RBBP6: variants seen among roughly 807,000 people sequenced by gnomAD.
RBBP6 encodes RB binding protein 6, ubiquitin ligase.
RBBP6 carries 25 observed loss-of-function variants against 167.7 expected under a neutral mutation model. That is an observed-to-expected ratio of 0.15 (90% CI 0.11 to 0.21). The LOEUF (loss-of-function observed/expected upper bound fraction) is 0.21. RBBP6 is among the 10% of genes least tolerant of loss of function. The probability of loss-of-function intolerance (pLI) is 1.00; values close to 1 mark genes in which losing one functional copy is unlikely to be tolerated. For synonymous variants in RBBP6, 789 were observed against 735.8 expected, an observed-to-expected ratio of 1.07 and a Z score of -1.17; for missense variants, 1,868 against 2,134.2, an observed-to-expected ratio of 0.88 and a Z score of 2.46.
At position 24,571,931 on chromosome 16, in the gene RBBP6, C is replaced by G. The variant is rs149034116; in HGVS notation, c.4865C>G (p.Ser1622Cys). ...CCTAAACCCCAGTTAAGTCATTCCT[C>G]TAGACTTTCCTCTGACTTAACTAGA... The part of the protein sequence containing the change: ...VKPKPQLSHS[S>C]RLSSDLTRET... Residue 1622 changes from serine to cysteine, a missense_variant, in exon 18 of 18, where the codon TCT (serine) becomes TGT (cysteine). This residue lies in a region of RBBP6 where 591 missense variants were observed against 540.5 expected (regional missense o/e 1.09). Coordinates refer to ENST00000319715, the MANE Select transcript of RBBP6 (RefSeq NM_006910.5). 1 of 1,614,000 alleles carries G rather than the reference C, an allele frequency of 6.2e-7. No homozygotes were observed. The highest frequency in any genetic ancestry group is 1.1e-5 in the South Asian group (1 of 91,050).
Position 24,571,455 on chromosome 16 carries a change from A to G in RBBP6, c.4389A>G (p.Ser1463=), listed in dbSNP as rs1182687519. ...SDKHDSTRAS[S]NKDFTPNRDK... ...AACATGATTCCACTCGTGCTTCCTC[A>G]AATAAAGACTTCACTCCCAATAGAG... Residue 1463 remains serine (S), a synonymous_variant, in exon 18 of 18, where the codon TCA becomes TCG. Coordinates refer to ENST00000319715, the MANE Select transcript of RBBP6 (RefSeq NM_006910.5). The G allele has an allele frequency of 6.2e-7, 1 of 1,612,800 alleles. No homozygotes were observed. The highest frequency in any genetic ancestry group is 8.5e-7 in the Non-Finnish European group (1 of 1,179,764).
chr16:24,546,273 A>C lies in RBBP6; in HGVS notation c.266+11A>C. On this transcript the variant is annotated intron_variant, in intron 2 of 17. Transcript: ENST00000319715. ...CAAGACATATGTTATGTAAGTATCAAATCTCATGTATTTCTCAAAATAGAC... is the reference window on the plus strand; with the variant it reads ...CAAGACATATGTTATGTAAGTATCACATCTCATGTATTTCTCAAAATAGAC... 6.5e-7 allele frequency: 1 copy of C among 1,543,846 alleles called. No homozygotes were observed. Among genetic ancestry groups the C allele is most frequent in the Non-Finnish European group, 8.7e-7 (1 of 1,155,620 alleles).
Position 24,569,605 on chromosome 16 carries a change from A to G in RBBP6, c.2915A>G (p.Asp972Gly), listed in dbSNP as rs1335319963. The part of the protein sequence containing the change: ...EPTGVEENKT[D>G]SLFVLPSRDD... ...ACAGGTGTTGAAGAAAATAAAACAGACTCATTGTTTGTTCTCCCAAGTAGA... is the reference window on the plus strand; with the variant it reads ...ACAGGTGTTGAAGAAAATAAAACAGGCTCATTGTTTGTTCTCCCAAGTAGA... The change falls in exon 17 of 18, where the codon GAC (aspartate) becomes GGC (glycine). Residue 972 changes from aspartate to glycine, a missense_variant. Around this residue, in one of 7 missense-constraint regions of RBBP6, gnomAD observed 673 missense variants for 691.5 expected, o/e 0.97. Coordinates refer to ENST00000319715, the MANE Select transcript of RBBP6 (RefSeq NM_006910.5). 4 of 1,612,048 alleles carry G rather than the reference A, an allele frequency of 2.5e-6. No individual in the cohort carries two copies. The highest frequency in any genetic ancestry group is 1.1e-5 in the South Asian group (1 of 90,604).
intron 15 of RBBP6, 84 bp downstream of exon 15, chr16:24,567,589 G>C: frequency 6.9e-7 from 1 of 1,440,448 alleles, no homozygotes; most frequent in Non-Finnish European, 9.3e-7. Flanking sequence ...ACGTTTTCCA[G>C]TGTTTCCAGT....
chr16:24,557,572 A>G (rs1397791367), intron 7 of RBBP6, among the ~76,000 whole-genome samples: 1 of 143,436 alleles, frequency 7.0e-6, no homozygotes, highest in Non-Finnish European at 1.5e-5. Flanking sequence ...GACCTTGGGC[A>G]AAAAAAAAAA....
intron 1 of RBBP6, among the ~76,000 whole-genome samples, chr16:24,542,350 A>G (rs530771131): frequency 2.0e-5 from 3 of 152,312 alleles, no homozygotes; most frequent in South Asian, 4.1e-4. Context: ...TATTAAGGCA[A>G]TTTTAATCGT....
intron 3 of RBBP6, 65 bp downstream of exon 3, chr16:24,549,046 A>G (rs1241124464): frequency 6.3e-7 from 1 of 1,579,612 alleles, no homozygotes; most frequent in Non-Finnish European, 8.6e-7. Context: ...TGTAGCAGTG[A>G]AGTAAATCAT....
chr16:24,561,489 T>G, intron 8 of RBBP6, 123 bp from the exon 9 acceptor site: 1 of 783,590 alleles, frequency 1.3e-6, no homozygotes, highest in African/African-American at 1.8e-5. Context: ...AAGAAATGAT[T>G]AGCACGACAT....
At position 24,572,394 on chromosome 16, in the gene RBBP6, A is replaced by AGAGAAG. The variant is rs1489244014; in HGVS notation, c.5340_5345dup (p.Glu1781_Lys1782dup). ...AGAAGTCAAAGAAGAACAAAGATAA[A>AGAGAAG]GAGAAGGAGAAGGAGAAAGATGACC... On this transcript the variant is annotated inframe_insertion, in exon 18 of 18. Transcript: ENST00000319715. 15 of 1,327,344 alleles carry AGAGAAG rather than the reference A, an allele frequency of 1.1e-5. No individual in the cohort carries two copies. Among genetic ancestry groups the AGAGAAG allele is most frequent in the Non-Finnish European group, 1.6e-5 (15 of 958,184 alleles). The allele number at this position is 1,327,344 out of a possible 1,614,324, so 82.2% of individuals were successfully genotyped here.
At chr16:24,567,688 T>C (rs535616245) in intron 15 of RBBP6, 104 bp from the exon 16 acceptor site, 2 of 1,279,460 alleles carry the variant, frequency 1.6e-6, no homozygotes, top group Non-Finnish European at 2.2e-6. Flanking sequence ...AGTGGAAAAC[T>C]AATGGCAATT....
intron 7 of RBBP6, among the ~76,000 whole-genome samples, chr16:24,557,747 A>G (rs970836353): frequency 3.9e-5 from 6 of 152,198 alleles, no homozygotes; most frequent in Admixed American, 2.0e-4. Context: ...ATACATACAT[A>G]TATAAGAACA....
intron 4 of RBBP6, 175 bp from the exon 5 acceptor site, chr16:24,555,437 ACAT>A: frequency 1.8e-6 from 1 of 559,490 alleles, no homozygotes; most frequent in Non-Finnish European, 3.2e-6. Flanking sequence ...AGACACCTAA[ACAT>A]CATGTAATTA....
chr16:24,566,593 T>C (rs111350016), intron 14 of RBBP6, among the ~76,000 whole-genome samples: 4,610 of 152,020 alleles, frequency 0.03, 274 homozygotes, highest in South Asian at 0.26. Context: ...ATACAAAAAT[T>C]AGCTGGGCAT....
In RBBP6 at chr16:24,570,349, G is replaced by T. The variant is rs751977839; in HGVS notation, c.3659G>T (p.Gly1220Val). Reference sequence around the variant, plus strand: ...AACAGAGAAACTGGGAAGAAAATTGGAAGTACAGAAAATATATCAAACACA... The same window carrying T: ...AACAGAGAAACTGGGAAGAAAATTGTAAGTACAGAAAATATATCAAACACA... ...KLNRETGKKI[G>V]STENISNTKE... Residue 1220 changes from glycine to valine, a missense_variant, in exon 17 of 18, where the codon GGA (glycine) becomes GTA (valine). Physicochemically the swap from Gly to Val is moderately radical, Grantham distance 109 (BLOSUM62 -3). Around this residue, in one of 7 missense-constraint regions of RBBP6, gnomAD observed 673 missense variants for 691.5 expected, o/e 0.97. Coordinates refer to ENST00000319715, the MANE Select transcript of RBBP6 (RefSeq NM_006910.5). 4.3e-6 allele frequency: 7 copies of T among 1,612,382 alleles called. No homozygotes were observed. The highest frequency in any genetic ancestry group is 1.3e-5 in the African/African-American group (1 of 74,708).
At chr16:24,553,245 G>A (rs966344858) in intron 3 of RBBP6, 41 of 347,320 alleles carry the variant, frequency 1.2e-4, no homozygotes, top group African/African-American at 2.1e-4. Context: ...GTATTCAGTC[G>A]ACACTCTGAA....
Position 24,567,408 on chromosome 16 carries a change from G to A in RBBP6, c.1855G>A (p.Gly619Arg). 2 of 1,614,184 alleles carry A rather than the reference G, an allele frequency of 1.2e-6. No homozygotes were observed. The highest frequency in any genetic ancestry group is 1.7e-6 in the Non-Finnish European group (2 of 1,180,032). Residue 619 changes from glycine (G) to arginine (R), a missense_variant, in exon 15 of 18, where the codon GGA becomes AGA. Around this residue, in one of 7 missense-constraint regions of RBBP6, gnomAD observed 145 missense variants for 224.3 expected, o/e 0.65. Coordinates refer to ENST00000319715, the MANE Select transcript of RBBP6 (RefSeq NM_006910.5). Reference protein sequence around the residue: ...ANLSTPWVSSGVQTAHSNTIP... With the variant: ...ANLSTPWVSSRVQTAHSNTIP... The stretch of plus-strand genomic sequence containing the variant: ...TTTATCAACACCTTGGGTATCATCA[G>A]GAGTGCAGACAGCTCATTCAAATAC...
chr16:24,553,701 G>A, intron 4 of RBBP6, 144 bp downstream of exon 4: 1 of 479,752 alleles, frequency 2.1e-6, no homozygotes, highest in Non-Finnish European at 3.6e-6. Context: ...GTAAAGAGTA[G>A]TTGCTGTTTT....
intron 2 of RBBP6, among the ~76,000 whole-genome samples, 189 bp downstream of exon 2, chr16:24,546,451 T>C (rs1055978664): frequency 2.0e-5 from 3 of 152,218 alleles, no homozygotes; most frequent in Non-Finnish European, 2.9e-5. Flanking sequence ...TAAATTGACT[T>C]AGCCTGTTGT....
chr16:24,567,463 C>G lies in RBBP6; in HGVS notation c.1910C>G (p.Ser637Cys). 6.2e-7 allele frequency: 1 copy of G among 1,613,964 alleles called. No homozygotes were observed. The change falls in exon 15 of 18, where the codon TCC (serine) becomes TGC (cysteine). Residue 637 changes from serine (S) to cysteine (C), a missense_variant. Ser to Cys is a moderately radical substitution (Grantham distance 112). Coordinates refer to ENST00000319715, the MANE Select transcript of RBBP6 (RefSeq NM_006910.5). ...TIPTTQAPPL[S>C]REEFYREQRR... ...CCAACAACACAAGCACCACCTTTGTCCAGGGAAGAATTCTATAGAGAGCAG... is the reference window on the plus strand; with the variant it reads ...CCAACAACACAAGCACCACCTTTGTGCAGGGAAGAATTCTATAGAGAGCAG...
Sources: gnomAD v4.1 joint callset for allele counts (sites outside exome capture counted in the v4.1 genomes callset) on GRCh38, gnomAD v4.1.1 for gene constraint, gnomAD v4.1.1 regional missense constraint, MANE v1.5 for transcripts, NCBI Gene and HGNC (gene_info 2026-07-23, HGNC 2026-07-21) for gene names.